Variants in CEP128 observed in about 807,000 individuals in gnomAD.
CEP128 encodes centrosomal protein 128.
CEP128 carries 132 observed loss-of-function variants against 156.7 expected under a neutral mutation model. The ratio of observed to expected loss-of-function variants is 0.84; its 90% CI spans 0.73 to 0.97. The LOEUF (loss-of-function observed/expected upper bound fraction) is 0.97, where lower values mean the gene tolerates loss of function less well. Among genes scored for constraint, CEP128 ranks in the 50% least tolerant of loss-of-function variants. The probability of loss-of-function intolerance (pLI) is 0.00; values close to 1 mark genes in which losing one functional copy is unlikely to be tolerated. For synonymous variants in CEP128, 469 were observed against 448.9 expected, an observed-to-expected ratio of 1.04 and a Z score of -0.57; for missense variants, 1,252 against 1,281.9, an observed-to-expected ratio of 0.98 and a Z score of 0.36.
At chr14:80,914,862 T>C (rs1884452718) in intron 3 of CEP128, among the ~76,000 whole-genome samples, 1 of 152,174 alleles carries the variant, frequency 6.6e-6, no homozygotes, top group South Asian at 2.1e-4. Flanking sequence ...AACAACAAAT[T>C]TAATTTTAAT....
At chr14:80,687,636 A>C (rs1257771864) in intron 19 of CEP128, among the ~76,000 whole-genome samples, 1 of 152,164 alleles carries the variant, frequency 6.6e-6, no homozygotes, top group Non-Finnish European at 1.5e-5. Context: ...TAGTATGCTC[A>C]CTACTTTGGT....
chr14:80,864,718 G>A (rs1049363283), intron 8 of CEP128, among the ~76,000 whole-genome samples: 7 of 151,960 alleles, frequency 4.6e-5, no homozygotes, highest in African/African-American at 1.7e-4. Flanking sequence ...CACCACGCCT[G>A]GCTAATTTTT....
At chr14:80,780,058 C>T (rs1901021535) in intron 15 of CEP128, among the ~76,000 whole-genome samples, 1 of 151,874 alleles carries the variant, frequency 6.6e-6, no homozygotes, top group Non-Finnish European at 1.5e-5. Flanking sequence ...ATATTAATAG[C>T]AGATACAGCA....
chr14:80,646,538 A>G (rs1342870237), intron 19 of CEP128, among the ~76,000 whole-genome samples: 1 of 137,898 alleles, frequency 7.3e-6, no homozygotes, highest in East Asian at 1.9e-4. Context: ...TCTTTAATGA[A>G]TAGTATGATA....
chr14:80,621,780 G>A (rs182341288), intron 19 of CEP128, among the ~76,000 whole-genome samples: 12 of 152,204 alleles, frequency 7.9e-5, no homozygotes, highest in Admixed American at 2.0e-4. Context: ...AGTCCACTCC[G>A]TTTGTAAGGG....
intron 9 of CEP128, among the ~76,000 whole-genome samples, chr14:80,848,691 G>GA (rs1886734009): frequency 6.6e-6 from 1 of 151,034 alleles, no homozygotes; most frequent in Non-Finnish European, 1.5e-5. Flanking sequence ...AGAGAAGAAA[G>GA]GAAAGAAAGA....
chr14:80,853,452 T>C (rs10129919), intron 9 of CEP128, among the ~76,000 whole-genome samples: 28,216 of 151,562 alleles, frequency 0.19, 3,196 homozygotes, highest in East Asian at 0.45. Flanking sequence ...TTGTTGGATA[T>C]AAGAACCATA....
intron 20 of CEP128, among the ~76,000 whole-genome samples, chr14:80,570,387 A>T (rs1382381339): frequency 6.6e-6 from 1 of 152,136 alleles, no homozygotes; most frequent in African/African-American, 2.4e-5. Context: ...AAGTGCTGGG[A>T]TTACAGGCGT....
chr14:80,806,595 A>C (rs550039525), intron 13 of CEP128, among the ~76,000 whole-genome samples: 2 of 152,336 alleles, frequency 1.3e-5, no homozygotes, highest in East Asian at 3.9e-4. Context: ...TTGGGAGAAG[A>C]AAATTTTAAT....
chr14:80,926,637 C>G (rs1885164816), intron 2 of CEP128, among the ~76,000 whole-genome samples: 2 of 152,184 alleles, frequency 1.3e-5, no homozygotes, highest in Non-Finnish European at 2.9e-5. Flanking sequence ...GCCTGAGACA[C>G]TAGAATACCT....
At chr14:80,651,310 CTTCT>C (rs1214893774) in intron 19 of CEP128, among the ~76,000 whole-genome samples, 1 of 151,802 alleles carries the variant, frequency 6.6e-6, no homozygotes, top group African/African-American at 2.4e-5. Flanking sequence ...TCTCTCTTTT[CTTCT>C]TTATTAATCT....
At chr14:80,834,684 A>G (rs1885982409) in intron 12 of CEP128, among the ~76,000 whole-genome samples, 1 of 152,192 alleles carries the variant, frequency 6.6e-6, no homozygotes, top group Admixed American at 6.5e-5. Flanking sequence ...ATTACATTTT[A>G]TGAGGTATCA....
chr14:80,722,466 T>C (rs1897854062), intron 19 of CEP128, among the ~76,000 whole-genome samples: 1 of 152,012 alleles, frequency 6.6e-6, no homozygotes, highest in Non-Finnish European at 1.5e-5. Context: ...ACATATACAC[T>C]AACATATGTA....
chr14:80,678,049 A>T (rs60483339), intron 19 of CEP128, among the ~76,000 whole-genome samples: 42,555 of 95,806 alleles, frequency 0.44, 7,886 homozygotes, highest in East Asian at 0.73. Context: ...ATAAAAAAAA[A>T]ATATATATAT....
chr14:80,656,309 A>ATTTT (rs1191403906), intron 19 of CEP128, among the ~76,000 whole-genome samples: 3 of 14,102 alleles, frequency 2.1e-4, no homozygotes, highest in African/African-American at 8.7e-4. Flanking sequence ...ATATATATAT[A>ATTTT]TATATATATA....
chr14:80,694,193 C>T lies in CEP128; in HGVS notation c.2806+48882G>A, dbSNP rs541123685. Among the ~76,000 whole-genome samples, 6 of 152,266 alleles carry T rather than the reference C, an allele frequency of 3.9e-5. No individual in the cohort carries two copies. The South Asian group carries it at 1.2e-3, about 32-fold the overall frequency. On this transcript the variant is annotated intron_variant, in intron 19 of 24. Transcript: ENST00000555265. ...CACTGGCCATTAGAGAAATGCAAAT[C>T]AAAACCACAGTGAGATACCATTTCA...
intron 18 of CEP128, among the ~76,000 whole-genome samples, chr14:80,756,104 A>G (rs1318746072): frequency 6.6e-6 from 1 of 152,224 alleles, no homozygotes; most frequent in African/African-American, 2.4e-5. Context: ...GCTGAGGAAA[A>G]GAAAAATGAG....
chr14:80,545,380 T>C (rs1473035799), intron 21 of CEP128, among the ~76,000 whole-genome samples: 2 of 151,782 alleles, frequency 1.3e-5, no homozygotes, highest in African/African-American at 4.8e-5. Flanking sequence ...ATAATCTTAA[T>C]CAATATACCA....
At chr14:80,749,540 C>T in intron 18 of CEP128, among the ~76,000 whole-genome samples, 1 of 152,130 alleles carries the variant, frequency 6.6e-6, no homozygotes, top group Non-Finnish European at 1.5e-5. Flanking sequence ...AGACGAACTT[C>T]ACATGTCTCA....
Sources: gnomAD v4.1 joint callset for allele counts (sites outside exome capture counted in the v4.1 genomes callset) on GRCh38, gnomAD v4.1.1 for gene constraint, MANE v1.5 for transcripts, NCBI Gene and HGNC (gene_info 2026-07-23, HGNC 2026-07-21) for gene names.